ZNF425: variants seen among roughly 807,000 people sequenced by gnomAD.
ZNF425 encodes the protein zinc finger protein 425.
ZNF425 carries 21 observed loss-of-function variants against 17.0 expected under a neutral mutation model. That is an observed-to-expected ratio of 1.23 (90% CI 0.88 to 1.78). The LOEUF is 1.78. ZNF425 is among the 40% of genes most tolerant of loss of function. The probability of loss-of-function intolerance (pLI) is 0.00; values close to 1 mark genes in which losing one functional copy is unlikely to be tolerated. For synonymous variants in ZNF425, 433 were observed against 384.1 expected, an observed-to-expected ratio of 1.13 and a Z score of -1.49; for missense variants, 868 against 967.3, an observed-to-expected ratio of 0.90 and a Z score of 1.36.
chr7:149,112,913 C>T (rs1034824867), intron 2 of ZNF425, among the ~76,000 whole-genome samples: 1 of 150,214 alleles, frequency 6.7e-6, no homozygotes, highest in African/African-American at 2.4e-5. Context: ...AGTCTGCCTG[C>T]GTCGGCCTCC....
Position 149,118,265 on chromosome 7 carries a change from A to G in ZNF425, c.102T>C (p.Tyr34=), listed in dbSNP as rs762106310. The change falls in exon 2 of 4, where the codon TAT becomes TAC. Residue 34 remains tyrosine, a synonymous_variant. Transcript: ENST00000378061. ...EILEKWQKQM[Y]KQEMKTNYET... is the part of the protein sequence containing the mutation. ...CGTAATTGGTCTTCATCTCTTGCTT[A>G]TACATTTGCTTCTGCCACTTCTCCA... The G allele has an allele frequency of 2.5e-5, 41 of 1,614,008 alleles. No homozygotes were observed. The highest frequency in any genetic ancestry group is 1.6e-4 in the Middle Eastern group (1 of 6,084).
rs201519803 is a variant in ZNF425, at chr7:149,112,206, T to C, written c.235A>G (p.Arg79Gly). Residue 79 changes from arginine to glycine, a missense_variant, in exon 3 of 4, where the codon AGA becomes GGA. Transcript: ENST00000378061. The part of the protein sequence containing the change: ...ISEQGCLDKT[R>G]RTTSPPTDEQ... ...TCAGTAGGAGGGCTAGTTGTCCTTC[T>C]TGTTTTATCTAAGCATCCCTGTTCG... 2.7e-4 allele frequency: 436 copies of C among 1,614,196 alleles called. 5 individuals carry two copies. In the South Asian group the frequency reaches 4.5e-3, roughly 17 times the overall value.
chr7:149,108,203 G>A lies in ZNF425; in HGVS notation c.305-2637C>T, dbSNP rs867968221. ...TCAGCCTACAGGTACCCACTACCAC[G>A]CCCGGCTAATTTTTGTATTTTTAGT... On this transcript the variant is annotated intron_variant, in intron 3 of 3. Transcript: ENST00000378061. Among the ~76,000 whole-genome samples the A allele has an allele frequency of 3.0e-4, 45 of 151,942 alleles. 1 individual carries two copies. In the Middle Eastern group the frequency reaches 0.01, roughly 35 times the overall value.
At chr7:149,114,441 C>T (rs1359479389) in intron 2 of ZNF425, among the ~76,000 whole-genome samples, 2 of 141,512 alleles carry the variant, frequency 1.4e-5, no homozygotes, top group Non-Finnish European at 3.0e-5. Flanking sequence ...AGGGCACAGT[C>T]TGGCTGGAGT....
At position 149,105,017 on chromosome 7, in the gene ZNF425, T is replaced by A; in HGVS notation, c.854A>T (p.Tyr285Phe). ...PCPECDKTFR[Y>F]RANLKKHLCL... The stretch of plus-strand genomic sequence containing the variant: ...CAGGTGCTTCTTCAGGTTGGCCCTG[T>A]ACCGGAAGGTCTTGTCGCACTCAGG... The change falls in exon 4 of 4, where the codon TAC becomes TTC. Residue 285 changes from tyrosine to phenylalanine, a missense_variant. Coordinates refer to ENST00000378061, the MANE Select transcript of ZNF425 (RefSeq NM_001001661.3). The A allele has an allele frequency of 6.2e-7, 1 of 1,614,182 alleles. No homozygotes were observed. Among genetic ancestry groups the A allele is most frequent in the Non-Finnish European group, 8.5e-7 (1 of 1,180,030 alleles).
In ZNF425 at chr7:149,124,784, G is replaced by A. The variant is rs371633381; in HGVS notation, c.18+1412C>T. On this transcript the variant is annotated intron_variant, in intron 1 of 3. Transcript: ENST00000378061. Reference sequence around the variant, plus strand: ...TCGAACTCCCGACCTCAGGTGATCCGCCCGCCTCAGCCTCCCAAAGTGCTG... The same window carrying A: ...TCGAACTCCCGACCTCAGGTGATCCACCCGCCTCAGCCTCCCAAAGTGCTG... 5.1e-3 allele frequency among the ~76,000 whole-genome samples: 777 copies of A among 151,440 alleles called. 4 individuals are homozygous for A. Among genetic ancestry groups the A allele is most frequent in the African/African-American group, 0.018 (731 of 41,306 alleles).
chr7:149,117,642 CTTTTTTTTTTTTTTT>C (rs869026303), intron 2 of ZNF425, among the ~76,000 whole-genome samples: 1 of 54,958 alleles, frequency 1.8e-5, no homozygotes, highest in Non-Finnish European at 3.0e-5. Context: ...CTTAGTAATT[CTTTTTTTTTTTTTTT>C]TTTTTTTTTT....
At chr7:149,125,228 A>C (rs1826440539) in intron 1 of ZNF425, among the ~76,000 whole-genome samples, 1 of 152,208 alleles carries the variant, frequency 6.6e-6, no homozygotes, top group South Asian at 2.1e-4. Flanking sequence ...TAAGATTATA[A>C]AATTTCATTG....
intron 2 of ZNF425, among the ~76,000 whole-genome samples, chr7:149,113,106 A>G (rs777945036): frequency 5.3e-5 from 8 of 150,166 alleles, no homozygotes; most frequent in Non-Finnish European, 7.4e-5. Context: ...CCTCCCGAGT[A>G]GCTGGGATTA....
At chr7:149,105,799 C>T (rs1199748995) in intron 3 of ZNF425, among the ~76,000 whole-genome samples, 2 of 151,838 alleles carry the variant, frequency 1.3e-5, no homozygotes, top group Non-Finnish European at 2.9e-5. Flanking sequence ...GACAGGCGCC[C>T]GCCACCACGC....
chr7:149,104,338 C>G lies in ZNF425; in HGVS notation c.1533G>C (p.Ser511=). The G allele has an allele frequency of 6.2e-7, 1 of 1,613,196 alleles. No individual in the cohort carries two copies. Among genetic ancestry groups the G allele is most frequent in the Non-Finnish European group, 8.5e-7 (1 of 1,179,938 alleles). The change falls in exon 4 of 4, where the codon TCG becomes TCC. Residue 511 remains serine, a synonymous_variant. Coordinates refer to ENST00000378061, the MANE Select transcript of ZNF425 (RefSeq NM_001001661.3). This position sits in a 1 kb window ranked among gnomAD's most constrained non-coding sequence, Gnocchi z 4.3. ...GGACCTTCAGGTGCTGCGTGAGCCG[C>G]GACTGCTGAGAAAAGGTCTTTTTGC... is the stretch of plus-strand genomic sequence containing the variant. The part of the protein sequence containing the change: ...GECKKTFSQQ[S]RLTQHLKVHT...
chr7:149,126,027 G>T, intron 1 of ZNF425, 169 bp downstream of exon 1: 1 of 1,361,918 alleles, frequency 7.3e-7, no homozygotes, highest in Non-Finnish European at 1.0e-6. Flanking sequence ...AACAGCACAC[G>T]CAGCAAGACT....
At position 149,106,253 on chromosome 7, in the gene ZNF425, T is replaced by A. The variant is rs1163410437; in HGVS notation, c.305-687A>T. ...CAGGCATGAGCCACCATGCCTGGCCTAAAATTTTTTGAGACAGTCTCACTC... is the reference window on the plus strand; with the variant it reads ...CAGGCATGAGCCACCATGCCTGGCCAAAAATTTTTTGAGACAGTCTCACTC... On this transcript the variant is annotated intron_variant, in intron 3 of 3. Transcript: ENST00000378061. Among the ~76,000 whole-genome samples the A allele has an allele frequency of 4.4e-5, 6 of 137,132 alleles. No homozygotes were observed. In the Admixed American group the frequency reaches 4.5e-4, roughly 10 times the overall value. The allele number at this position is 137,132 out of a possible 152,430, so 90.0% of individuals were successfully genotyped here. A position where few individuals can be genotyped will look rare whatever the true frequency, so the allele number is the denominator to read the frequency against.
Position 149,118,918 on chromosome 7 carries a change from T to C in ZNF425, c.19-570A>G, listed in dbSNP as rs528912087. ...TTACTTAGCAGCAACCAGTTACTGC[T>C]GTGGAAGACTGGGTCTAGTATTGCT... On this transcript the variant is annotated intron_variant, in intron 1 of 3. Coordinates refer to ENST00000378061, the MANE Select transcript of ZNF425 (RefSeq NM_001001661.3). Among the ~76,000 whole-genome samples the C allele has an allele frequency of 2.6e-5, 4 of 152,314 alleles. No homozygotes were observed. In the South Asian group the frequency reaches 8.3e-4, roughly 32 times the overall value.
intron 3 of ZNF425, among the ~76,000 whole-genome samples, chr7:149,111,050 C>T (rs1222697264): frequency 6.6e-6 from 1 of 152,004 alleles, no homozygotes; most frequent in Non-Finnish European, 1.5e-5. Flanking sequence ...CCGCCTTGAC[C>T]TACCAAGGTG....
intron 3 of ZNF425, among the ~76,000 whole-genome samples, chr7:149,109,969 A>G (rs1212731263): frequency 6.7e-6 from 1 of 149,036 alleles, no homozygotes; most frequent in African/African-American, 2.5e-5. Context: ...CTCCGCCTCC[A>G]GGGCTCAACC....
chr7:149,116,419 CT>C (rs976981399), intron 2 of ZNF425, among the ~76,000 whole-genome samples: 1 of 152,138 alleles, frequency 6.6e-6, no homozygotes, highest in African/African-American at 2.4e-5. Flanking sequence ...GTTGATTCTT[CT>C]TTTTTTCCAC....
chr7:149,104,525 C>T lies in ZNF425; in HGVS notation c.1346G>A (p.Arg449Lys), dbSNP rs763931123. Reference protein sequence around the residue: ...KRPFQCPECSRGFFWRNAMRA... With the variant: ...KRPFQCPECSKGFFWRNAMRA... Reference sequence around the variant, plus strand: ...CATGGCGTTCCTCCAGAAGAAGCCCCTGCTGCACTCCGGGCACTGGAAGGG... The same window carrying T: ...CATGGCGTTCCTCCAGAAGAAGCCCTTGCTGCACTCCGGGCACTGGAAGGG... The change falls in exon 4 of 4, where the codon AGG (arginine) becomes AAG (lysine). Residue 449 changes from arginine (R) to lysine (K), a missense_variant. Transcript: ENST00000378061. This position sits in a 1 kb window ranked among gnomAD's most constrained non-coding sequence, Gnocchi z 4.3. The T allele has an allele frequency of 6.2e-7, 1 of 1,606,102 alleles. No homozygotes were observed. The highest frequency in any genetic ancestry group is 1.1e-5 in the South Asian group (1 of 89,940).
In ZNF425 at chr7:149,104,296, C is replaced by T. The variant is rs200418327; in HGVS notation, c.1575G>A (p.Pro525=). The change falls in exon 4 of 4, where the codon CCG becomes CCA. Residue 525 remains proline, a synonymous_variant. Transcript: ENST00000378061. The surrounding 1 kb of genome is among the most constrained non-coding windows in gnomAD (Gnocchi z 4.3). ...TGCGGCCGCACTCGGCGCAGGAGAA[C>T]GGCTTTTCCGTGGTGTGGACCTTCA... is the stretch of plus-strand genomic sequence containing the variant. ...QHLKVHTTEK[P]FSCAECGRSF... The T allele has an allele frequency of 2.5e-6, 4 of 1,613,334 alleles. No individual in the cohort carries two copies. The highest frequency in any genetic ancestry group is 1.1e-5 in the South Asian group (1 of 91,066).
Sources: gnomAD v4.1 joint callset for allele counts (sites outside exome capture counted in the v4.1 genomes callset) on GRCh38, gnomAD v4.1.1 for gene constraint, Gnocchi (gnomAD v3.1) non-coding constraint, MANE v1.5 for transcripts, NCBI Gene and HGNC (gene_info 2026-07-23, HGNC 2026-07-21) for gene names.